Variants in NRG1 observed in about 807,000 individuals in gnomAD.
NRG1 encodes the protein neuregulin 1.
A neutral mutation model predicts 63.8 loss-of-function variants in NRG1; 18 were observed. That is an observed-to-expected ratio of 0.28 (90% confidence interval 0.19 to 0.42). The LOEUF (loss-of-function observed/expected upper bound fraction) is 0.42. Among genes scored for constraint, NRG1 ranks in the 10% least tolerant of loss-of-function variants. The pLI is 1.00. For synonymous variants in NRG1, 302 were observed against 301.3 expected, an observed-to-expected ratio of 1.00 and a Z score of -0.02; for missense variants, 762 against 814.7, an observed-to-expected ratio of 0.94 and a Z score of 0.79.
intron 1 of NRG1, among the ~76,000 whole-genome samples, chr8:31,743,589 G>T (rs1008028222): frequency 1.3e-5 from 2 of 150,902 alleles, no homozygotes; most frequent in African/African-American, 2.4e-5. Context: ...TGTGTGTGTG[G>T]GTGTGTGTGT....
chr8:31,729,583 T>C (rs1169161285), intron 1 of NRG1, among the ~76,000 whole-genome samples: 4 of 152,124 alleles, frequency 2.6e-5, no homozygotes, highest in Non-Finnish European at 5.9e-5. Context: ...CAGTACTCAC[T>C]CTTATCAAGG....
At chr8:32,405,875 T>C (rs191824811) in intron 1 of NRG1, among the ~76,000 whole-genome samples, 15 of 152,338 alleles carry the variant, frequency 9.8e-5, no homozygotes, top group Admixed American at 6.5e-4. Context: ...GAGAATCTGA[T>C]TTTTGTGAGA....
chr8:32,138,909 T>G (rs548843055), intron 1 of NRG1, among the ~76,000 whole-genome samples: 1 of 152,256 alleles, frequency 6.6e-6, no homozygotes, highest in African/African-American at 2.4e-5. Flanking sequence ...TCAGACCTAA[T>G]TTTGGCTTTT....
downstream of NRG1, among the ~76,000 whole-genome samples, chr8:32,771,715 A>AAAAAAATATAT (rs1343943621): frequency 1.1e-3 from 122 of 111,840 alleles, no homozygotes; most frequent in East Asian, 4.6e-3. Flanking sequence ...TTAAAAAAAA[A>AAAAAAATATAT]ATATATATAT....
chr8:31,919,939 T>G (rs894219649), intron 1 of NRG1, among the ~76,000 whole-genome samples: 3 of 152,160 alleles, frequency 2.0e-5, no homozygotes, highest in Non-Finnish European at 4.4e-5. Flanking sequence ...GTATTTTATA[T>G]AAGATACTTA....
chr8:32,586,886 A>T (rs1217272904), intron 1 of NRG1, among the ~76,000 whole-genome samples: 1 of 152,190 alleles, frequency 6.6e-6, no homozygotes, highest in Non-Finnish European at 1.5e-5. Flanking sequence ...GACCATGGTC[A>T]ATCAATGGAG....
intron 1 of NRG1, among the ~76,000 whole-genome samples, chr8:32,572,287 G>A (rs1300332834): frequency 6.6e-6 from 1 of 152,058 alleles, no homozygotes; most frequent in Non-Finnish European, 1.5e-5. Context: ...GAAAAACTCA[G>A]CACAATTTTA....
At chr8:32,159,298 G>A (rs1393290380) in intron 1 of NRG1, among the ~76,000 whole-genome samples, 2 of 152,118 alleles carry the variant, frequency 1.3e-5, no homozygotes, top group Non-Finnish European at 2.9e-5. Flanking sequence ...ACTTTGGGAG[G>A]CCGAGGCGGG....
At chr8:32,747,300 C>A (rs1827634647) in intron 7 of NRG1, among the ~76,000 whole-genome samples, 1 of 151,966 alleles carries the variant, frequency 6.6e-6, no homozygotes, top group African/African-American at 2.4e-5. Context: ...TAAATTATTA[C>A]TGACTGGTAG....
intron 1 of NRG1, among the ~76,000 whole-genome samples, chr8:32,257,238 C>T (rs536584621): frequency 9.9e-5 from 15 of 152,254 alleles, no homozygotes; most frequent in African/African-American, 2.4e-4. Context: ...GGGTGGGATC[C>T]GCTGAGCTAG....
intron 1 of NRG1, among the ~76,000 whole-genome samples, chr8:32,145,216 G>T (rs1246118432): frequency 6.6e-6 from 1 of 152,074 alleles, no homozygotes; most frequent in East Asian, 1.9e-4. Flanking sequence ...AGACTTTTCA[G>T]AAAAAGCATA....
intron 1 of NRG1, among the ~76,000 whole-genome samples, chr8:32,296,349 G>A (rs564176444): frequency 6.6e-6 from 1 of 152,132 alleles, no homozygotes; most frequent in Non-Finnish European, 1.5e-5. Flanking sequence ...CAGCCCTTTG[G>A]GGGGCTGAGA....
At chr8:32,445,681 T>C (rs1409863612) in intron 1 of NRG1, among the ~76,000 whole-genome samples, 2 of 152,238 alleles carry the variant, frequency 1.3e-5, no homozygotes, top group Admixed American at 1.3e-4. Context: ...CTATTTAGAA[T>C]AGCTGAGGCT....
intron 1 of NRG1, among the ~76,000 whole-genome samples, chr8:31,647,738 A>G (rs1585383077): frequency 6.6e-6 from 1 of 152,032 alleles, no homozygotes; most frequent in South Asian, 2.1e-4. Flanking sequence ...AAGCCCGGAC[A>G]CCTCCGGACA....
chr8:32,635,905 G>A (rs1464150807), intron 5 of NRG1, among the ~76,000 whole-genome samples: 1 of 152,102 alleles, frequency 6.6e-6, no homozygotes, highest in African/African-American at 2.4e-5. Flanking sequence ...AGAATATGGG[G>A]GATCTAGGTG....
intron 1 of NRG1, among the ~76,000 whole-genome samples, chr8:32,452,935 A>C (rs1271835529): frequency 2.6e-5 from 4 of 152,222 alleles, no homozygotes; most frequent in Admixed American, 2.0e-4. Flanking sequence ...CTTGAGACAA[A>C]GAGGTCAGTA....
chr8:32,588,591 C>G (rs772550844), intron 1 of NRG1, among the ~76,000 whole-genome samples: 3 of 152,104 alleles, frequency 2.0e-5, no homozygotes, highest in Admixed American at 1.3e-4. Context: ...TATAATGAAA[C>G]GTTCTATGCA....
At chr8:31,840,349 C>CTTTTTTTTTTTTTTTTT (rs71992716) in intron 1 of NRG1, among the ~76,000 whole-genome samples, 2 of 116,864 alleles carry the variant, frequency 1.7e-5, no homozygotes, top group Non-Finnish European at 3.4e-5. Context: ...TATTCTCTGT[C>CTTTTTTTTTTTTTTTTT]TTTTTTTTTT....
intron 1 of NRG1, among the ~76,000 whole-genome samples, chr8:32,485,508 C>G (rs1321682129): frequency 6.6e-6 from 1 of 152,158 alleles, no homozygotes; most frequent in African/African-American, 2.4e-5. Flanking sequence ...CTTTCTCCAC[C>G]CCACGAACTC....
Sources: gnomAD v4.1 joint callset for allele counts (sites outside exome capture counted in the v4.1 genomes callset) on GRCh38, gnomAD v4.1.1 for gene constraint, MANE v1.5 for transcripts, NCBI Gene and HGNC (gene_info 2026-07-23, HGNC 2026-07-21) for gene names.